Variants in ESRRG observed in about 807,000 individuals in gnomAD.
ESRRG encodes the protein estrogen-related receptor gamma.
ESRRG carries 13 observed loss-of-function variants against 44.0 expected under a neutral mutation model. That is an observed-to-expected ratio of 0.30 (90% confidence interval 0.19 to 0.47). The LOEUF (loss-of-function observed/expected upper bound fraction) is 0.47. Ranked by LOEUF, ESRRG falls within the 20% of genes least tolerant of loss-of-function variation. The pLI is 1.00. For synonymous variants in ESRRG, 215 were observed against 214.6 expected (o/e 1.00, Z -0.02); for missense variants, 395 against 580.6 (o/e 0.68, Z 3.29).
chr1:216,823,124 C>T (rs1184087403), intron 2 of ESRRG, among the ~76,000 whole-genome samples: 6 of 151,712 alleles, frequency 4.0e-5, no homozygotes, highest in Admixed American at 6.6e-5. Context: ...ACTAACATCT[C>T]GGTGCCGGAT....
At chr1:216,766,630 G>C (rs754596256) in intron 2 of ESRRG, among the ~76,000 whole-genome samples, 1 of 152,014 alleles carries the variant, frequency 6.6e-6, no homozygotes, top group Non-Finnish European at 1.5e-5. Context: ...CTGATTTAGT[G>C]GGAAAACCAG....
intron 2 of ESRRG, among the ~76,000 whole-genome samples, chr1:216,861,174 A>C (rs2096047508): frequency 6.6e-6 from 1 of 152,084 alleles, no homozygotes; most frequent in Non-Finnish European, 1.5e-5. Context: ...AAAAATATGA[A>C]GAGAAAGAAA....
intron 2 of ESRRG, among the ~76,000 whole-genome samples, chr1:216,840,302 T>C (rs148051332): frequency 1.3e-5 from 2 of 152,216 alleles, no homozygotes; most frequent in Non-Finnish European, 2.9e-5. Context: ...CAACCTGTGC[T>C]AGCTTCCATC....
At chr1:217,010,810 A>G (rs1331064316) in intron 1 of ESRRG, among the ~76,000 whole-genome samples, 5 of 152,216 alleles carry the variant, frequency 3.3e-5, no homozygotes, top group African/African-American at 4.8e-5. Flanking sequence ...TATGGGAAAC[A>G]TGATTAAGGT....
intron 1 of ESRRG, among the ~76,000 whole-genome samples, chr1:216,970,174 C>T (rs569704561): frequency 6.6e-6 from 1 of 152,134 alleles, no homozygotes; most frequent in Non-Finnish European, 1.5e-5. Flanking sequence ...CCCATGGAAA[C>T]ATTACTGAAG....
At chr1:216,868,757 C>T (rs1191690728) in intron 2 of ESRRG, among the ~76,000 whole-genome samples, 1 of 152,148 alleles carries the variant, frequency 6.6e-6, no homozygotes, top group Non-Finnish European at 1.5e-5. Flanking sequence ...AAAAACTAGC[C>T]ATTCTAGTGA....
At chr1:216,784,700 G>A (rs780887960) in intron 2 of ESRRG, among the ~76,000 whole-genome samples, 1 of 151,720 alleles carries the variant, frequency 6.6e-6, no homozygotes, top group Non-Finnish European at 1.5e-5. Context: ...ATTACTACTT[G>A]GCCCTAGTTT....
intron 1 of ESRRG, among the ~76,000 whole-genome samples, chr1:217,024,251 G>A (rs192363992): frequency 1.5e-3 from 229 of 152,098 alleles, no homozygotes; most frequent in African/African-American, 4.9e-3. Flanking sequence ...CCAGCTACTC[G>A]GGAGGCTGAG....
intron 1 of ESRRG, among the ~76,000 whole-genome samples, chr1:217,026,912 CAGAG>C (rs71163786): frequency 0.14 from 13,277 of 93,126 alleles, 993 homozygotes; most frequent in Middle Eastern, 0.24. Context: ...CACACACACA[CAGAG>C]AGAGAGAGAG....
intron 1 of ESRRG, among the ~76,000 whole-genome samples, chr1:216,989,645 T>C (rs527416328): frequency 2.5e-4 from 38 of 152,308 alleles, no homozygotes; most frequent in African/African-American, 8.7e-4. Flanking sequence ...CCTATTCTGA[T>C]ACATACTTAT....
Position 216,723,308 on chromosome 1 carries a change from G to A in ESRRG, c.-9C>T, listed in dbSNP as rs2086775272. 3.1e-6 allele frequency: 5 copies of A among 1,613,526 alleles called. No homozygotes were observed. Among genetic ancestry groups the A allele is most frequent in the African/African-American group, 2.7e-5 (2 of 74,832 alleles). ...AGTTCTACCGAATCCATGTGCGACC[G>A]GCAACCATTATTTGTGCACCCCAGC... On this transcript the variant is annotated 5_prime_UTR_variant, in exon 1 of 7. Coordinates refer to ENST00000408911, the MANE Select transcript of ESRRG (RefSeq NM_001438.4).
At chr1:216,804,861 G>A (rs1312730065) in intron 2 of ESRRG, 1 of 151,898 alleles carries the variant, frequency 6.6e-6, no homozygotes, top group Non-Finnish European at 1.5e-5. Flanking sequence ...TCTAAGCCAG[G>A]TCAGAATTTC....
chr1:217,048,611 C>T (rs1359675228), intron 1 of ESRRG, among the ~76,000 whole-genome samples: 2 of 152,076 alleles, frequency 1.3e-5, no homozygotes, highest in East Asian at 3.9e-4. Flanking sequence ...CTCTTGCATC[C>T]CAACTGGGTA....
chr1:216,760,068 C>T (rs1234671821), intron 2 of ESRRG, among the ~76,000 whole-genome samples: 1 of 152,062 alleles, frequency 6.6e-6, no homozygotes, highest in East Asian at 1.9e-4. Flanking sequence ...TTCCCACATC[C>T]TGTGCATGTC....
intron 2 of ESRRG, among the ~76,000 whole-genome samples, chr1:216,676,065 C>CGTTT (rs1423327957): frequency 7.2e-5 from 11 of 152,268 alleles, no homozygotes; most frequent in African/African-American, 2.6e-4. Flanking sequence ...ATTTTGTAAA[C>CGTTT]CACTGAGCAG....
chr1:216,915,360 T>C (rs1269779837), intron 2 of ESRRG, among the ~76,000 whole-genome samples: 2 of 152,086 alleles, frequency 1.3e-5, no homozygotes, highest in Non-Finnish European at 2.9e-5. Flanking sequence ...AGAGTCCAAA[T>C]ATGCCACCAC....
At chr1:216,546,811 T>TTA (rs10535177) in intron 5 of ESRRG, among the ~76,000 whole-genome samples, 1,661 of 149,318 alleles carry the variant, frequency 0.011, 6 homozygotes, top group Middle Eastern at 0.031. Context: ...TGCTATCTCT[T>TTA]TATATATATA....
At chr1:216,910,555 C>T (rs1018942159) in intron 2 of ESRRG, among the ~76,000 whole-genome samples, 2 of 152,152 alleles carry the variant, frequency 1.3e-5, no homozygotes, top group African/African-American at 2.4e-5. Context: ...CACATTAATT[C>T]AGCACAAGTC....
intron 1 of ESRRG, among the ~76,000 whole-genome samples, chr1:217,058,051 G>T (rs1209635060): frequency 6.6e-6 from 1 of 152,014 alleles, no homozygotes; most frequent in Admixed American, 6.6e-5. Context: ...TATAATTCAA[G>T]AAAATGTCCT....
Sources: allele counts gnomAD v4.1 joint callset (sites outside exome capture counted in the v4.1 genomes callset), GRCh38; gene constraint gnomAD v4.1.1; transcripts MANE v1.5; gene names NCBI Gene and HGNC (gene_info 2026-07-23, HGNC 2026-07-21).